Variants in ATF7 observed in about 807,000 individuals in gnomAD.
The protein encoded by ATF7 is cyclic AMP-dependent transcription factor ATF-7.
ATF7 carries 10 observed loss-of-function variants against 50.4 expected under a neutral mutation model. The observed-to-expected ratio is 0.20, with a 90% CI of 0.12 to 0.34. The LOEUF is 0.34. Among genes scored for constraint, ATF7 ranks in the 10% least tolerant of loss-of-function variants. The probability of loss-of-function intolerance (pLI) is 1.00; values close to 1 mark genes in which losing one functional copy is unlikely to be tolerated. For missense variants in ATF7, 465 were observed against 613.9 expected, an observed-to-expected ratio of 0.76 and a Z score of 2.56; for synonymous variants, 201 against 226.4, an observed-to-expected ratio of 0.89 and a Z score of 1.01.
chr12:53,510,267 G>A (rs980099644), downstream of ATF7, among the ~76,000 whole-genome samples: 5 of 152,278 alleles, frequency 3.3e-5, no homozygotes, highest in African/African-American at 9.6e-5. Flanking sequence ...TTGAACTCCC[G>A]ACCTCAGGTG....
chr12:53,601,752 T>C (rs537697386), intron 1 of ATF7, among the ~76,000 whole-genome samples: 76 of 152,304 alleles, frequency 5.0e-4, no homozygotes, highest in African/African-American at 1.7e-3. Context: ...GTGAACATGT[T>C]CCGGCTGTTT....
chr12:53,574,619 ATCACAGTAGCAACAATAT>A (rs796889337), intron 2 of ATF7: 2 of 154,866 alleles, frequency 1.3e-5, no homozygotes, highest in African/African-American at 4.8e-5. Flanking sequence ...GTGGCCCAGG[ATCACAGTAGCAACAATAT>A]TCTCATCAAA....
chr12:53,542,462 T>G (rs1939632020), intron 4 of ATF7, among the ~76,000 whole-genome samples: 1 of 151,220 alleles, frequency 6.6e-6, no homozygotes, highest in South Asian at 2.1e-4. Context: ...GGTCTCACTC[T>G]GTCACCCAGG....
At chr12:53,573,165 ATATTTT>A (rs1407781847) in intron 2 of ATF7, among the ~76,000 whole-genome samples, 5 of 151,848 alleles carry the variant, frequency 3.3e-5, no homozygotes, top group African/African-American at 1.2e-4. Context: ...TTATTACAGT[ATATTTT>A]TATAACTGTT....
intron 4 of ATF7, among the ~76,000 whole-genome samples, chr12:53,541,970 C>T (rs562209459): frequency 6.6e-5 from 10 of 152,152 alleles, no homozygotes; most frequent in South Asian, 6.2e-4. Context: ...TACAGGCGTG[C>T]GCCGCCACGC....
At chr12:53,557,912 G>T (rs916068327) in intron 2 of ATF7, among the ~76,000 whole-genome samples, 3 of 152,038 alleles carry the variant, frequency 2.0e-5, no homozygotes, top group Non-Finnish European at 4.4e-5. Context: ...TACTATTTTG[G>T]ATATACCAGG....
At chr12:53,521,777 A>G (rs1565917253) in intron 11 of ATF7, among the ~76,000 whole-genome samples, 1 of 152,332 alleles carries the variant, frequency 6.6e-6, no homozygotes, top group East Asian at 1.9e-4. Context: ...TTGGTTCCCT[A>G]TTATATCCCC....
chr12:53,510,369 G>A (rs1041199005), downstream of ATF7, among the ~76,000 whole-genome samples: 10 of 152,282 alleles, frequency 6.6e-5, no homozygotes, highest in Non-Finnish European at 1.3e-4. Flanking sequence ...GGAGTATCAA[G>A]GCCACGGGGA....
chr12:53,538,572 G>C (rs913591569), intron 4 of ATF7, among the ~76,000 whole-genome samples: 1 of 152,154 alleles, frequency 6.6e-6, no homozygotes, highest in African/African-American at 2.4e-5. Context: ...AGCTGTAAAC[G>C]GCCTTGCAGG....
chr12:53,540,877 G>A (rs892889042), intron 4 of ATF7, among the ~76,000 whole-genome samples: 1 of 152,020 alleles, frequency 6.6e-6, no homozygotes, highest in South Asian at 2.1e-4. Context: ...GATCATAGGC[G>A]TGTGCTACCA....
intron 1 of ATF7, among the ~76,000 whole-genome samples, chr12:53,612,562 T>C (rs1943932578): frequency 6.6e-6 from 1 of 151,776 alleles, no homozygotes; most frequent in Non-Finnish European, 1.5e-5. Context: ...GTGAGCCACC[T>C]TGCCCAACAG....
At chr12:53,624,065 A>C (rs1474675029) in intron 1 of ATF7, among the ~76,000 whole-genome samples, 1 of 152,216 alleles carries the variant, frequency 6.6e-6, no homozygotes, top group Non-Finnish European at 1.5e-5. Context: ...TGGGTTTAAT[A>C]GTGCCCTAGT....
At chr12:53,552,970 C>A (rs1224341766) in intron 2 of ATF7, among the ~76,000 whole-genome samples, 1 of 151,912 alleles carries the variant, frequency 6.6e-6, no homozygotes, top group African/African-American at 2.4e-5. Flanking sequence ...CAAGGGGAAG[C>A]AATTTTTAAT....
chr12:53,524,553 G>A lies in ATF7; in HGVS notation c.1125+11C>T. On this transcript the variant is annotated intron_variant, in intron 10 of 11. Coordinates refer to ENST00000420353, the MANE Select transcript of ATF7 (RefSeq NM_006856.3). This position sits in a 1 kb window ranked among gnomAD's most constrained non-coding sequence, Gnocchi z 4.6. ...TTCAACAATTCCAATAAGCATCCAG[G>A]ACCCACTCACACTCAGCTGAATGTT... is the stretch of plus-strand genomic sequence containing the variant. The A allele has an allele frequency of 6.2e-7, 1 of 1,613,274 alleles. No homozygotes were observed.
intron 4 of ATF7, among the ~76,000 whole-genome samples, chr12:53,542,107 G>GTTTTTTTTTGTTTT (rs1939591614): frequency 9.9e-6 from 1 of 101,450 alleles, no homozygotes; most frequent in African/African-American, 3.7e-5. Flanking sequence ...CGCCTGGCCT[G>GTTTTTTTTTGTTTT]TTTTTTTTTT....
intron 11 of ATF7, among the ~76,000 whole-genome samples, chr12:53,519,531 G>A (rs1011560139): frequency 4.6e-5 from 7 of 151,730 alleles, no homozygotes; most frequent in African/African-American, 1.2e-4. Context: ...GTGAAACCCC[G>A]TCTCTACTAA....
rs1290743141 is a variant in ATF7, at chr12:53,514,874, A to T, written c.*2263T>A. The T allele has an allele frequency of 6.6e-6, 1 of 152,232 alleles. No individual in the cohort carries two copies. The highest frequency in any genetic ancestry group is 1.5e-5 in the Non-Finnish European group (1 of 68,046). 9.4% of individuals were successfully genotyped at this position (152,232 alleles called of 1,614,324 possible). A position where few individuals can be genotyped will look rare whatever the true frequency, so the allele number is the denominator to read the frequency against. ...CTTAGGAAAGCTCCTTAGGAGCCAT[A>T]AACTCAGTCAAGCTTTAGGGCAAGG... On this transcript the variant is annotated 3_prime_UTR_variant, in exon 12 of 12. Transcript: ENST00000420353.
chr12:53,527,073 C>T (rs548969147), intron 9 of ATF7, among the ~76,000 whole-genome samples: 5 of 149,388 alleles, frequency 3.3e-5, no homozygotes, highest in Admixed American at 6.7e-5. Context: ...GCAGGAGAAT[C>T]GGTTGAACCT....
chr12:53,548,061 T>C (rs1448507416), intron 3 of ATF7, among the ~76,000 whole-genome samples: 1 of 151,862 alleles, frequency 6.6e-6, no homozygotes, highest in Non-Finnish European at 1.5e-5. Flanking sequence ...AGAGGGGGCC[T>C]TCATTGTGTT....
Sources: allele counts gnomAD v4.1 joint callset (sites outside exome capture counted in the v4.1 genomes callset), GRCh38; gene constraint gnomAD v4.1.1; non-coding constraint Gnocchi (gnomAD v3.1); transcripts MANE v1.5; gene names NCBI Gene and HGNC (gene_info 2026-07-23, HGNC 2026-07-21).